CLASP2: variants seen among roughly 807,000 people sequenced by gnomAD.
CLASP2 encodes the protein cytoplasmic linker associated protein 2.
Under a neutral mutation model 194.4 loss-of-function variants are expected in CLASP2, and 47 were observed. The ratio of observed to expected loss-of-function variants is 0.24; its 90% CI spans 0.19 to 0.31. CLASP2 has a LOEUF of 0.31. Among genes scored for constraint, CLASP2 ranks in the 10% least tolerant of loss-of-function variants. CLASP2 has a pLI of 1.00. For missense variants in CLASP2, 1,445 were observed against 1,823.6 expected (o/e 0.79, Z 3.78); for synonymous variants, 619 against 633.5 (o/e 0.98, Z 0.34).
rs2067007659 is a variant in CLASP2 at position 33,584,883 on chromosome 3, G to A, written c.2106C>T (p.Thr702=). Residue 702 remains threonine (T), a synonymous_variant, in exon 22 of 39, where the codon ACC becomes ACT. Transcript: ENST00000682230. ...SRSGSPGRVL[T]TTALSTVSSG... ...AGCTCACAGTGGACAGGGCTGTTGT[G>A]GTCAGAACTCTTCCTGGAGACCCAG... 6.2e-7 allele frequency: 1 copy of A among 1,612,702 alleles called. No individual in the cohort carries two copies. Among genetic ancestry groups the A allele is most frequent in the African/African-American group, 1.3e-5 (1 of 74,844 alleles).
chr3:33,560,389 C>T (rs1397858215), intron 28 of CLASP2, among the ~76,000 whole-genome samples: 1 of 151,918 alleles, frequency 6.6e-6, no homozygotes, highest in Non-Finnish European at 1.5e-5. Flanking sequence ...ATTACAGGTG[C>T]CTGCCACCAT....
chr3:33,509,544 T>C (rs1250980359), intron 37 of CLASP2, among the ~76,000 whole-genome samples: 2 of 152,218 alleles, frequency 1.3e-5, no homozygotes, highest in East Asian at 1.9e-4. Context: ...TACTAAGGCA[T>C]AGACAAAGAT....
At chr3:33,688,499 T>C in intron 3 of CLASP2, 131 bp from the exon 4 acceptor site, 1 of 688,200 alleles carries the variant, frequency 1.5e-6, no homozygotes, top group Non-Finnish European at 2.4e-6. Context: ...TGTTCATTTC[T>C]CCACTACTTA....
intron 6 of CLASP2, among the ~76,000 whole-genome samples, chr3:33,682,669 G>C (rs529331371): frequency 6.6e-6 from 1 of 152,136 alleles, no homozygotes; most frequent in African/African-American, 2.4e-5. Context: ...TGATACACTA[G>C]AAGATTATCA....
At chr3:33,577,402 G>A (rs892538695) in intron 23 of CLASP2, 2 of 611,280 alleles carry the variant, frequency 3.3e-6, no homozygotes, top group Admixed American at 3.1e-5. Context: ...TGCCAAATAG[G>A]GCAATGGAAC....
chr3:33,628,287 T>C (rs1318656187), intron 9 of CLASP2, among the ~76,000 whole-genome samples: 1 of 152,158 alleles, frequency 6.6e-6, no homozygotes, highest in Non-Finnish European at 1.5e-5. Flanking sequence ...AGCTCTTTCC[T>C]GCCTCTCACC....
At chr3:33,657,810 T>A (rs1287175933) in intron 7 of CLASP2, among the ~76,000 whole-genome samples, 1 of 152,174 alleles carries the variant, frequency 6.6e-6, no homozygotes, top group African/African-American at 2.4e-5. Context: ...ACATAATAGT[T>A]CAAATGACTG....
At chr3:33,529,053 G>C (rs896963865) in intron 34 of CLASP2, among the ~76,000 whole-genome samples, 10 of 152,124 alleles carry the variant, frequency 6.6e-5, no homozygotes, top group African/African-American at 2.4e-4. Context: ...AGTCAAATCA[G>C]AAAGGCAATC....
chr3:33,621,531 C>T (rs1056639019), intron 11 of CLASP2, among the ~76,000 whole-genome samples: 1 of 152,050 alleles, frequency 6.6e-6, no homozygotes, highest in African/African-American at 2.4e-5. Context: ...TGTTCCTTTT[C>T]TTGCAATCCT....
chr3:33,559,020 G>C (rs2061386531), intron 29 of CLASP2: 1 of 457,426 alleles, frequency 2.2e-6, no homozygotes, highest in African/African-American at 2.0e-5. Flanking sequence ...AATCAAATGT[G>C]TGCATGCGTA....
chr3:33,699,899 C>T (rs922250360), intron 1 of CLASP2, among the ~76,000 whole-genome samples: 11 of 148,582 alleles, frequency 7.4e-5, no homozygotes, highest in South Asian at 2.1e-4. Context: ...AGAATGCTGT[C>T]GCTTCATAAT....
chr3:33,611,590 C>A (rs543723524), intron 13 of CLASP2, among the ~76,000 whole-genome samples: 50 of 152,278 alleles, frequency 3.3e-4, no homozygotes, highest in Admixed American at 3.1e-3. Flanking sequence ...TAATGTGTAT[C>A]TCATTTAATC....
At chr3:33,535,108 A>G in intron 34 of CLASP2, 125 bp downstream of exon 34, 1 of 669,780 alleles carries the variant, frequency 1.5e-6, no homozygotes, top group Non-Finnish European at 2.5e-6. Context: ...AGATGGGAGA[A>G]AACATTCTTA....
intron 29 of CLASP2, among the ~76,000 whole-genome samples, chr3:33,557,964 C>T (rs1031946618): frequency 9.2e-5 from 14 of 152,244 alleles, no homozygotes; most frequent in African/African-American, 2.7e-4. Flanking sequence ...TGGTCTCCCT[C>T]ATGCTGACAA....
intron 7 of CLASP2, among the ~76,000 whole-genome samples, chr3:33,648,824 CTTG>C (rs1217656858): frequency 6.6e-6 from 1 of 152,168 alleles, no homozygotes; most frequent in African/African-American, 2.4e-5. Flanking sequence ...AAGAAACTGT[CTTG>C]TTCATGCTGC....
At chr3:33,710,419 A>T (rs112284943) in intron 1 of CLASP2, among the ~76,000 whole-genome samples, 2,543 of 152,338 alleles carry the variant, frequency 0.017, 26 homozygotes, top group South Asian at 0.032. Context: ...GCCAAAAAAC[A>T]TAATTTTTAA....
chr3:33,690,915 T>C (rs897943599), intron 2 of CLASP2, among the ~76,000 whole-genome samples: 9 of 152,100 alleles, frequency 5.9e-5, no homozygotes, highest in African/African-American at 2.2e-4. Flanking sequence ...TGGAAGACAA[T>C]TTTTCCACAG....
chr3:33,691,606 G>T (rs1240488813), intron 2 of CLASP2, among the ~76,000 whole-genome samples: 1 of 152,168 alleles, frequency 6.6e-6, no homozygotes, highest in Non-Finnish European at 1.5e-5. Context: ...CATACATCTT[G>T]GATGTACTGT....
At chr3:33,614,580 A>C (rs1156314401) in intron 12 of CLASP2, among the ~76,000 whole-genome samples, 1 of 152,192 alleles carries the variant, frequency 6.6e-6, no homozygotes, top group African/African-American at 2.4e-5. Flanking sequence ...AAAACTTCCT[A>C]AAGGTTGCTT....
Sources: allele counts gnomAD v4.1 joint callset (sites outside exome capture counted in the v4.1 genomes callset), GRCh38; gene constraint gnomAD v4.1.1; transcripts MANE v1.5; gene names NCBI Gene and HGNC (gene_info 2026-07-23, HGNC 2026-07-21).